Variants in SNX31 observed in about 807,000 individuals in gnomAD.
SNX31 encodes the protein sorting nexin-31.
Under a neutral mutation model 65.4 loss-of-function variants are expected in SNX31, and 58 were observed. The ratio of observed to expected loss-of-function variants is 0.89; its 90% CI spans 0.72 to 1.10. The LOEUF (loss-of-function observed/expected upper bound fraction) is 1.10, where lower values mean the gene tolerates loss of function less well. Among genes scored for constraint, SNX31 ranks in the 50% least tolerant of loss-of-function variants. The pLI, the probability that SNX31 is intolerant of heterozygous loss-of-function variation, is 0.00. For synonymous variants in SNX31, 181 were observed against 190.1 expected (o/e 0.95, Z 0.39); for missense variants, 523 against 529.7 (o/e 0.99, Z 0.12).
intron 10 of SNX31, among the ~76,000 whole-genome samples, chr8:100,595,680 T>C (rs901214569): frequency 6.6e-6 from 1 of 151,988 alleles, no homozygotes; most frequent in African/African-American, 2.4e-5. Flanking sequence ...CTTGACCAAG[T>C]AGGGAACACA....
chr8:100,638,363 CATTT>C (rs1818923213), intron 2 of SNX31, among the ~76,000 whole-genome samples: 1 of 152,238 alleles, frequency 6.6e-6, no homozygotes, highest in South Asian at 2.1e-4. Flanking sequence ...TTGCTAGCCA[CATTT>C]CAAATGCTTA....
rs1358579876 is a variant in SNX31 at position 100,625,876 on chromosome 8, ATC to A, written c.321+4449_321+4450del. Among the ~76,000 whole-genome samples the A allele has an allele frequency of 6.6e-6, 1 of 152,182 alleles. No individual in the cohort carries two copies. Among genetic ancestry groups the A allele is most frequent in the Non-Finnish European group, 1.5e-5 (1 of 68,020 alleles). On this transcript the variant is annotated intron_variant, in intron 4 of 13. Transcript: ENST00000311812. This position sits in a 1 kb window ranked among gnomAD's most constrained non-coding sequence, Gnocchi z 4.2. Reference sequence around the variant, plus strand: ...AGACACTCCATCTTTGCAAAAAGCAATCTCTCAGCATGGCTGGGGAAAGAAAA... The same window carrying A: ...AGACACTCCATCTTTGCAAAAAGCAATCTCAGCATGGCTGGGGAAAGAAAA...
rs1816631682 is a variant in SNX31 at position 100,610,663 on chromosome 8, C to G, written c.611+1337G>C. ...TCACTACAGCAAGCAGCTTCCAGAA[C>G]AGCTGTTCTCTAAACCATTGGATGG... On this transcript the variant is annotated intron_variant, in intron 7 of 13. Coordinates refer to ENST00000311812, the MANE Select transcript of SNX31 (RefSeq NM_152628.4). The surrounding 1 kb of genome is among the most constrained non-coding windows in gnomAD (Gnocchi z 4.0). Among the ~76,000 whole-genome samples the G allele has an allele frequency of 6.6e-6, 1 of 152,214 alleles. No homozygotes were observed. Among genetic ancestry groups the G allele is most frequent in the Non-Finnish European group, 1.5e-5 (1 of 68,040 alleles).
intron 10 of SNX31, among the ~76,000 whole-genome samples, chr8:100,596,245 TGCAA>T (rs1460341076): frequency 1.3e-5 from 2 of 152,202 alleles, no homozygotes; most frequent in Non-Finnish European, 2.9e-5. Context: ...AAGCTGGCAA[TGCAA>T]GCATGATGCC....
At chr8:100,650,032 A>C (rs957764617), upstream of SNX31, among the ~76,000 whole-genome samples, 2 of 149,958 alleles carry the variant, frequency 1.3e-5, no homozygotes, top group African/African-American at 2.5e-5. Flanking sequence ...TTATTCTTTC[A>C]ATCTTGTTTT....
rs762566825 is a variant in SNX31, at chr8:100,635,926, C to A, written c.227G>T (p.Arg76Met). 1.2e-6 allele frequency: 2 copies of A among 1,613,984 alleles called. No individual in the cohort carries two copies. Among genetic ancestry groups the A allele is most frequent in the East Asian group, 4.5e-5 (2 of 44,886 alleles). ...TTGCAAATATTGTTCCAGTTGGTCC[C>A]TCCTCTCATCAGCCATAGCTGTGGT... ...AMTTAMADER[R>M]DQLEQYLQNV... The change falls in exon 3 of 14, where the codon AGG becomes ATG. Residue 76 changes from arginine (R) to methionine (M), a missense_variant. Coordinates refer to ENST00000311812, the MANE Select transcript of SNX31 (RefSeq NM_152628.4).
upstream of SNX31, among the ~76,000 whole-genome samples, chr8:100,650,806 T>C (rs976854421): frequency 6.6e-6 from 1 of 152,096 alleles, no homozygotes; most frequent in African/African-American, 2.4e-5. Context: ...TAGTGGCTTC[T>C]AGTTGAGAGG....
At chr8:100,652,692 T>C (rs1819996125), upstream of SNX31, among the ~76,000 whole-genome samples, 1 of 152,106 alleles carries the variant, frequency 6.6e-6, no homozygotes, top group South Asian at 2.1e-4. Flanking sequence ...CCACACTCTT[T>C]TGGAGGTATG....
At chr8:100,582,033 T>TA (rs2091753890) in intron 12 of SNX31, among the ~76,000 whole-genome samples, 2 of 151,946 alleles carry the variant, frequency 1.3e-5, no homozygotes, top group South Asian at 2.1e-4. Flanking sequence ...CCAAAATAAG[T>TA]AAAAAAAATA....
At chr8:100,644,744 A>C (rs1264607033) in intron 2 of SNX31, among the ~76,000 whole-genome samples, 1 of 152,240 alleles carries the variant, frequency 6.6e-6, no homozygotes, top group African/African-American at 2.4e-5. Flanking sequence ...AGCTCACTGC[A>C]ATCTGTGCCT....
chr8:100,599,170 T>A (rs1019368012), intron 9 of SNX31, among the ~76,000 whole-genome samples: 8 of 152,252 alleles, frequency 5.3e-5, no homozygotes, highest in Admixed American at 2.0e-4. Context: ...AAAGCTTTTT[T>A]AAAATAGCAT....
rs149756032 is a variant in SNX31 at position 100,654,713 on chromosome 8, T to C, written c.-58+8429A>G. 5.9e-5 allele frequency among the ~76,000 whole-genome samples: 9 copies of C among 152,170 alleles called. No individual in the cohort carries two copies. The East Asian group carries it at 1.4e-3, about 23-fold the overall frequency. On this transcript the variant is annotated intron_variant, in intron 1 of 5. Transcript: ENST00000520352. ...CAATGTGGGAATTGAAAGATGAAGA[T>C]GGAAAAAGTAAAGATGGGGCCGGGT...
intron 13 of SNX31, among the ~76,000 whole-genome samples, chr8:100,574,640 A>AC (rs1237903246): frequency 4.0e-5 from 6 of 151,560 alleles, no homozygotes; most frequent in Non-Finnish European, 8.8e-5. Context: ...TAAAAAAAAA[A>AC]AAAAAAAGAA....
chr8:100,641,849 C>T (rs1444938430), intron 2 of SNX31, among the ~76,000 whole-genome samples: 29 of 150,242 alleles, frequency 1.9e-4, no homozygotes, highest in African/African-American at 6.8e-4. Flanking sequence ...GAGGCCGAGG[C>T]GGGCGGATCA....
exon 1 of SNX31, chr8:100,663,193 A>G (rs990187476): frequency 7.2e-5 from 11 of 152,194 alleles, no homozygotes; most frequent in African/African-American, 2.4e-4. Flanking sequence ...AGAAGCCCAG[A>G]CCTCAGCACC....
chr8:100,634,641 A>G (rs1422090346), intron 3 of SNX31, among the ~76,000 whole-genome samples: 1 of 151,932 alleles, frequency 6.6e-6, no homozygotes, highest in Admixed American at 6.6e-5. Flanking sequence ...CCCAGCTACT[A>G]GAGAGGGTGA....
chr8:100,625,291 G>T lies in SNX31; in HGVS notation c.321+5036C>A, dbSNP rs1045635690. ...CTCTGAGGCAGAGGAACATTCTTAA[G>T]AATGTTTTCCATTTCCCTTGTAGAG... is the stretch of plus-strand genomic sequence containing the variant. On this transcript the variant is annotated intron_variant, in intron 4 of 13. Transcript: ENST00000311812. This position sits in a 1 kb window ranked among gnomAD's most constrained non-coding sequence, Gnocchi z 4.2. Among the ~76,000 whole-genome samples, 7 of 151,898 alleles carry T rather than the reference G, an allele frequency of 4.6e-5. No homozygotes were observed. Among genetic ancestry groups the T allele is most frequent in the African/African-American group, 1.7e-4 (7 of 41,358 alleles).
chr8:100,618,270 A>G (rs916396305), intron 4 of SNX31: 9 of 1,482,068 alleles, frequency 6.1e-6, no homozygotes, highest in Non-Finnish European at 7.3e-6. Context: ...CTGAGTATCT[A>G]TATTGGAGAA....
At chr8:100,627,780 G>A (rs925694193) in intron 4 of SNX31, among the ~76,000 whole-genome samples, 8 of 152,012 alleles carry the variant, frequency 5.3e-5, no homozygotes, top group African/African-American at 7.2e-5. Context: ...CAGGTGATCC[G>A]CCCACCTCAG....
Sources: gnomAD v4.1 joint callset for allele counts (sites outside exome capture counted in the v4.1 genomes callset) on GRCh38, gnomAD v4.1.1 for gene constraint, Gnocchi (gnomAD v3.1) non-coding constraint, MANE v1.5 for transcripts, NCBI Gene and HGNC (gene_info 2026-07-23, HGNC 2026-07-21) for gene names.